SI: variants seen among roughly 807,000 people sequenced by gnomAD.
The protein encoded by SI is sucrase-isomaltase.
SI carries 235 observed loss-of-function variants against 253.3 expected under a neutral mutation model. That is an observed-to-expected ratio of 0.93 (90% CI 0.83 to 1.03). The LOEUF (loss-of-function observed/expected upper bound fraction) is 1.03, where lower values mean the gene tolerates loss of function less well. Ranked by LOEUF, SI falls within the 50% of genes least tolerant of loss-of-function variation. The pLI, the probability that SI is intolerant of heterozygous loss-of-function variation, is 0.00. For missense variants in SI, 2,442 were observed against 2,211.1 expected (o/e 1.10, Z -2.09); for synonymous variants, 819 against 712.0 (o/e 1.15, Z -2.39).
Position 164,979,162 on chromosome 3 carries a change from T to G in SI, c.*200A>C. The G allele has an allele frequency of 1.8e-6, 1 of 545,990 alleles. No homozygotes were observed. Among genetic ancestry groups the G allele is most frequent in the Non-Finnish European group, 3.3e-6 (1 of 304,650 alleles). 33.8% of individuals were successfully genotyped at this position (545,990 alleles called of 1,614,324 possible). ...AGGGCTATTCAAATTTTGTTAAATA[T>G]GCCTTAAAATTGAATCCAAGTCACA... On this transcript the variant is annotated 3_prime_UTR_variant, in exon 48 of 48. Transcript: ENST00000264382.
chr3:164,989,349 G>T (rs1372802318), intron 44 of SI, among the ~76,000 whole-genome samples: 11 of 118,282 alleles, frequency 9.3e-5, no homozygotes, highest in Non-Finnish European at 1.9e-4. Context: ...AAAAAAGAGA[G>T]AAAGAAGAAA....
intron 26 of SI, among the ~76,000 whole-genome samples, chr3:165,021,649 A>G (rs2108184370): frequency 6.6e-6 from 1 of 151,814 alleles, no homozygotes; most frequent in East Asian, 1.9e-4. Context: ...ATCAAAACAA[A>G]AATTTTAGAG....
intron 22 of SI, among the ~76,000 whole-genome samples, chr3:165,034,353 T>C (rs1227896386): frequency 6.6e-6 from 1 of 151,998 alleles, no homozygotes; most frequent in Non-Finnish European, 1.5e-5. Flanking sequence ...TCTTTATCAG[T>C]AGACAGTATG....
chr3:165,074,619 T>C lies in SI; in HGVS notation c.167A>G (p.Asn56Ser). The C allele has an allele frequency of 6.2e-7, 1 of 1,610,920 alleles. No homozygotes were observed. Among genetic ancestry groups the C allele is most frequent in the Non-Finnish European group, 8.5e-7 (1 of 1,177,794 alleles). The change falls in exon 3 of 48, where the codon AAT becomes AGT. Residue 56 changes from asparagine (N) to serine (S), a missense_variant. Coordinates refer to ENST00000264382, the MANE Select transcript of SI (RefSeq NM_001041.4). The part of the protein sequence containing the change: ...STPATTRVTT[N>S]PSDSGKCPNV... ...TGGACATTTTCCTGAATCAGAAGGA[T>C]TTGTAGTCACACGAGTAGTAGCTGG... is the stretch of plus-strand genomic sequence containing the variant.
chr3:165,001,647 T>A (rs1466284217), intron 37 of SI, among the ~76,000 whole-genome samples: 1 of 151,470 alleles, frequency 6.6e-6, no homozygotes, highest in South Asian at 2.1e-4. Flanking sequence ...TATTCATCTA[T>A]ATCATTCAGA....
the SI span, among the ~76,000 whole-genome samples, chr3:165,088,392 C>G: frequency 2.6e-5 from 4 of 151,038 alleles, no homozygotes; most frequent in African/African-American, 9.7e-5. Context: ...CACCTGGAAT[C>G]CCAGCACTTT....
In SI at chr3:165,065,464, AATATATATATATATAT is replaced by A. The variant is rs66946322; in HGVS notation, c.636-48_636-33del. Reference sequence around the variant, plus strand: ...CATAAAAGAAATAAAGAAATAATCTAATATATATATATATATATATATATATATATGATATTCTACC... The same window carrying A: ...CATAAAAGAAATAAAGAAATAATCTAATATATATATATATGATATTCTACC... On this transcript the variant is annotated intron_variant, in intron 6 of 47. Coordinates refer to ENST00000264382, the MANE Select transcript of SI (RefSeq NM_001041.4). 1.1e-4 allele frequency: 24 copies of A among 209,706 alleles called. 4 individuals carry two copies. The East Asian group carries it at 1.3e-3, about 11-fold the overall frequency. The allele number at this position is 209,706 out of a possible 1,614,324, so 13.0% of individuals were successfully genotyped here. A position where few individuals can be genotyped will look rare whatever the true frequency, so the allele number is the denominator to read the frequency against.
At chr3:164,981,601 CAGTT>C (rs753308998) in intron 47 of SI, among the ~76,000 whole-genome samples, 1 of 152,092 alleles carries the variant, frequency 6.6e-6, no homozygotes, top group African/African-American at 2.4e-5. Context: ...ACACCTAAAA[CAGTT>C]AGCTGTTTTC....
intron 25 of SI, among the ~76,000 whole-genome samples, chr3:165,030,482 G>A (rs571738378): frequency 6.6e-6 from 1 of 150,866 alleles, no homozygotes; most frequent in Non-Finnish European, 1.5e-5. Flanking sequence ...CAAAGTTCCT[G>A]GAAAGCAATT....
intron 40 of SI, 48 bp downstream of exon 40, chr3:164,996,487 C>CAT (rs901618532): frequency 1.1e-5 from 11 of 994,282 alleles, no homozygotes; most frequent in African/African-American, 1.6e-5. Context: ...TATAATGAAG[C>CAT]ATAGCCCAAG....
intron 35 of SI, among the ~76,000 whole-genome samples, chr3:165,009,044 T>A (rs549856126): frequency 6.6e-6 from 1 of 152,238 alleles, no homozygotes; most frequent in South Asian, 2.1e-4. Flanking sequence ...ATAGAATATT[T>A]TGCTTTTTGA....
chr3:165,079,451 G>A (rs1420307323), upstream of SI, among the ~76,000 whole-genome samples: 1 of 151,430 alleles, frequency 6.6e-6, no homozygotes, highest in Non-Finnish European at 1.5e-5. Context: ...CTAAATATGA[G>A]TCTAAAAAGA....
chr3:164,994,553 T>G (rs1717924753), intron 40 of SI, 148 bp from the exon 41 acceptor site: 1 of 738,434 alleles, frequency 1.4e-6, no homozygotes, highest in South Asian at 1.7e-5. Context: ...TCTTACACAA[T>G]AATATTTCTA....
rs2108254063 is a variant in SI, at chr3:165,062,447, C to A, written c.944G>T (p.Arg315Ile). The A allele has an allele frequency of 1.2e-6, 2 of 1,600,826 alleles. No homozygotes were observed. Among genetic ancestry groups the A allele is most frequent in the East Asian group, 2.2e-5 (1 of 44,590 alleles). ...FIQPTPIVTYRVTGGILDFYI... is the reference protein window; with the variant it reads ...FIQPTPIVTYIVTGGILDFYI... ...AAAATCCAGAATGCCACCGGTAACTCTATATGTTACTATTGGAGTAGGCTG... is the reference window on the plus strand; with the variant it reads ...AAAATCCAGAATGCCACCGGTAACTATATATGTTACTATTGGAGTAGGCTG... Residue 315 changes from arginine to isoleucine, a missense_variant, in exon 9 of 48, where the codon AGA (arginine) becomes ATA (isoleucine). Transcript: ENST00000264382.
At chr3:165,071,839 A>G (rs1013003424) in intron 3 of SI, among the ~76,000 whole-genome samples, 1 of 152,100 alleles carries the variant, frequency 6.6e-6, no homozygotes, top group African/African-American at 2.4e-5. Flanking sequence ...CCTTGATGAC[A>G]CCTTGATCTT....
At chr3:165,037,082 G>T (rs752490913) in intron 21 of SI, among the ~76,000 whole-genome samples, 10 of 151,642 alleles carry the variant, frequency 6.6e-5, no homozygotes, top group Non-Finnish European at 1.2e-4. Flanking sequence ...CAGCTCTGGT[G>T]TATAACAATT....
At chr3:165,011,720 T>G (rs1254481956) in intron 34 of SI, among the ~76,000 whole-genome samples, 1 of 148,180 alleles carries the variant, frequency 6.7e-6, no homozygotes. Context: ...TTGTTCTATT[T>G]ATGTATTATC....
At chr3:165,059,818 T>C in intron 10 of SI, 84 bp downstream of exon 10, 3 of 1,361,512 alleles carry the variant, frequency 2.2e-6, no homozygotes, top group Non-Finnish European at 3.1e-6. Flanking sequence ...ATATAGTAGA[T>C]ACTCCTGACA....
chr3:165,036,597 G>A (rs900616290), intron 21 of SI, 120 bp from the exon 22 acceptor site: 3 of 636,696 alleles, frequency 4.7e-6, no homozygotes, highest in Non-Finnish European at 8.4e-6. Flanking sequence ...TAAGGACATT[G>A]ACATCAATAA....
Sources: allele counts gnomAD v4.1 joint callset (sites outside exome capture counted in the v4.1 genomes callset), GRCh38; gene constraint gnomAD v4.1.1; transcripts MANE v1.5; gene names NCBI Gene and HGNC (gene_info 2026-07-23, HGNC 2026-07-21).